RIMS1: variants seen among roughly 807,000 people sequenced by gnomAD.
RIMS1 encodes the protein regulating synaptic membrane exocytosis 1.
In RIMS1, 83 loss-of-function variants were observed where a neutral mutation model predicts 214.1. The ratio of observed to expected loss-of-function variants is 0.39; its 90% CI spans 0.32 to 0.47. The LOEUF (loss-of-function observed/expected upper bound fraction) is 0.47. Among genes scored for constraint, RIMS1 ranks in the 20% least tolerant of loss-of-function variants. RIMS1 has a pLI of 0.99. For missense variants in RIMS1, 2,050 were observed against 2,161.8 expected, an observed-to-expected ratio of 0.95 and a Z score of 1.03; for synonymous variants, 793 against 786.8, an observed-to-expected ratio of 1.01 and a Z score of -0.13.
intron 4 of RIMS1, among the ~76,000 whole-genome samples, chr6:72,134,298 A>G (rs759765187): frequency 1.3e-5 from 2 of 151,964 alleles, no homozygotes; most frequent in Non-Finnish European, 2.9e-5. Flanking sequence ...ATTGTGATAT[A>G]TATTTATACT....
At chr6:72,143,666 G>A (rs1169695758) in intron 4 of RIMS1, among the ~76,000 whole-genome samples, 1 of 152,190 alleles carries the variant, frequency 6.6e-6, no homozygotes, top group East Asian at 1.9e-4. Flanking sequence ...CGCTGTGTTG[G>A]TATTTAGTTG....
chr6:71,965,280 C>T (rs922592517), intron 1 of RIMS1, among the ~76,000 whole-genome samples: 1 of 151,982 alleles, frequency 6.6e-6, no homozygotes, highest in African/African-American at 2.4e-5. Flanking sequence ...TAAAGTTTCA[C>T]ATAAAATAGT....
At position 72,179,801 on chromosome 6, in the gene RIMS1, C is replaced by G. The variant is rs1444422513; in HGVS notation, c.698C>G (p.Ala233Gly). Residue 233 changes from alanine to glycine, a missense_variant, in exon 5 of 34, where the codon GCT becomes GGT. Ala to Gly is a moderately conservative substitution (Grantham distance 60). Coordinates refer to ENST00000521978, the MANE Select transcript of RIMS1 (RefSeq NM_014989.7). ...GCAGCTGCCTCCTCCCAGGATGCTG[C>G]TCCTCCCAGCGCACCACCAGACAGG... ...STAAASSQDA[A>G]PPSAPPDRSK... 6.2e-7 allele frequency: 1 copy of G among 1,613,710 alleles called. No individual in the cohort carries two copies. The highest frequency in any genetic ancestry group is 1.1e-5 in the South Asian group (1 of 91,074).
intron 2 of RIMS1, among the ~76,000 whole-genome samples, chr6:71,969,564 T>A (rs1007368744): frequency 7.2e-5 from 11 of 152,194 alleles, no homozygotes; most frequent in African/African-American, 2.7e-4. Flanking sequence ...ATCCCAGCAC[T>A]TTTGAAGGCT....
At chr6:72,343,844 G>C (rs1210100612) in intron 29 of RIMS1, among the ~76,000 whole-genome samples, 1 of 151,096 alleles carries the variant, frequency 6.6e-6, no homozygotes, top group African/African-American at 2.4e-5. Context: ...TTTCAAAATG[G>C]GTTAATAAGT....
At chr6:72,272,585 C>T (rs1434168654) in intron 22 of RIMS1, among the ~76,000 whole-genome samples, 3 of 152,264 alleles carry the variant, frequency 2.0e-5, no homozygotes, top group East Asian at 1.9e-4. Flanking sequence ...ACATCTTTCT[C>T]CTCCACAGCT....
At chr6:72,284,214 A>T (rs2091466158) in intron 24 of RIMS1, 96 bp downstream of exon 24, 3 of 1,016,926 alleles carry the variant, frequency 3.0e-6, no homozygotes, top group Non-Finnish European at 4.5e-6. Context: ...TCTTAAACAC[A>T]AATTGTGATG....
At chr6:71,897,584 C>T (rs944742752) in intron 1 of RIMS1, among the ~76,000 whole-genome samples, 1 of 152,144 alleles carries the variant, frequency 6.6e-6, no homozygotes, top group Non-Finnish European at 1.5e-5. Context: ...TTTGAATTAG[C>T]TCAAGTGACA....
chr6:72,242,399 A>T lies in RIMS1; in HGVS notation c.2043A>T (p.Ser681=). 6.4e-7 allele frequency: 1 copy of T among 1,561,678 alleles called. No homozygotes were observed. The highest frequency in any genetic ancestry group is 8.7e-7 in the Non-Finnish European group (1 of 1,151,436). Residue 681 remains serine, a synonymous_variant, in exon 10 of 34, where the codon TCA becomes TCT. Coordinates refer to ENST00000521978, the MANE Select transcript of RIMS1 (RefSeq NM_014989.7). ...ACAACATTATTTTAGAATCAAAATC[A>T]GAACCTCAAGTTGAAATTATTGTTT... ...EVYNIILESK[S]EPQVEIIVSR...
chr6:72,351,340 C>A (rs2097440156), intron 29 of RIMS1, among the ~76,000 whole-genome samples: 1 of 152,154 alleles, frequency 6.6e-6, no homozygotes, highest in African/African-American at 2.4e-5. Context: ...CACTGACAGT[C>A]ATGTTTAGGT....
At chr6:71,966,625 A>G (rs1158116798) in intron 1 of RIMS1, among the ~76,000 whole-genome samples, 1 of 152,146 alleles carries the variant, frequency 6.6e-6, no homozygotes, top group African/African-American at 2.4e-5. Context: ...CAGTTTAAGC[A>G]GTTCTCCTGC....
At chr6:72,286,892 T>C (rs1010514973) in intron 24 of RIMS1, among the ~76,000 whole-genome samples, 5 of 152,226 alleles carry the variant, frequency 3.3e-5, no homozygotes, top group African/African-American at 9.6e-5. Context: ...TGTAACCTCA[T>C]GACAGATAGC....
At chr6:72,187,479 G>GTTTTTTTTTTTTTTTTTT (rs61420518) in intron 6 of RIMS1, among the ~76,000 whole-genome samples, 1 of 125,614 alleles carries the variant, frequency 8.0e-6, no homozygotes, top group Non-Finnish European at 1.6e-5. Flanking sequence ...TATCCTTTTT[G>GTTTTTTTTTTTTTTTTTT]TTTTTTTTTT....
At chr6:72,177,790 G>C (rs983461829) in intron 4 of RIMS1, among the ~76,000 whole-genome samples, 1 of 152,136 alleles carries the variant, frequency 6.6e-6, no homozygotes, top group Non-Finnish European at 1.5e-5. Flanking sequence ...GGGCAGAAGA[G>C]ACTCAGTGTC....
At chr6:72,021,012 A>G (rs1305562898) in intron 2 of RIMS1, among the ~76,000 whole-genome samples, 1 of 152,202 alleles carries the variant, frequency 6.6e-6, no homozygotes, top group African/African-American at 2.4e-5. Flanking sequence ...TTCATTTTCT[A>G]ACTAAAGTTG....
chr6:72,114,251 T>C (rs1383646683), intron 4 of RIMS1, among the ~76,000 whole-genome samples: 1 of 152,024 alleles, frequency 6.6e-6, no homozygotes, highest in Non-Finnish European at 1.5e-5. Flanking sequence ...ATTTTAAATG[T>C]GTACAGAGTA....
chr6:72,090,665 C>T (rs1422847462), intron 2 of RIMS1, among the ~76,000 whole-genome samples: 1 of 152,100 alleles, frequency 6.6e-6, no homozygotes, highest in African/African-American at 2.4e-5. Context: ...ACTTACTGTC[C>T]TTCTTTGACA....
chr6:71,931,347 C>T (rs376987229), intron 1 of RIMS1, among the ~76,000 whole-genome samples: 1 of 151,934 alleles, frequency 6.6e-6, no homozygotes, highest in South Asian at 2.1e-4. Flanking sequence ...ATCTTATTTT[C>T]AGTGAGTAAG....
intron 6 of RIMS1, among the ~76,000 whole-genome samples, chr6:72,230,494 A>G (rs1028687367): frequency 6.6e-6 from 1 of 151,660 alleles, no homozygotes; most frequent in Non-Finnish European, 1.5e-5. Flanking sequence ...TATTTTTAAC[A>G]TACACATGCT....
Sources: allele counts gnomAD v4.1 joint callset (sites outside exome capture counted in the v4.1 genomes callset), GRCh38; gene constraint gnomAD v4.1.1; transcripts MANE v1.5; gene names NCBI Gene and HGNC (gene_info 2026-07-23, HGNC 2026-07-21).